Variants in PLEKHB2 observed in about 807,000 individuals in gnomAD.
PLEKHB2 encodes the protein pleckstrin homology domain containing B2, also known as pleckstrin homology domain-containing family B member 2.
A neutral mutation model predicts 36.5 loss-of-function variants in PLEKHB2; 31 were observed. The ratio of observed to expected loss-of-function variants is 0.85; its 90% CI spans 0.64 to 1.15. The LOEUF is 1.15. Among genes scored for constraint, PLEKHB2 ranks in the 50% most tolerant of loss-of-function variants. The probability of loss-of-function intolerance (pLI) is 0.00; values close to 1 mark genes in which losing one functional copy is unlikely to be tolerated. For missense variants in PLEKHB2, 262 were observed against 295.3 expected (o/e 0.89, Z 0.83); for synonymous variants, 119 against 112.0 (o/e 1.06, Z -0.39).
At chr2:131,137,997 T>C (rs889883523) in intron 6 of PLEKHB2, among the ~76,000 whole-genome samples, 2 of 151,652 alleles carry the variant, frequency 1.3e-5, no homozygotes, top group African/African-American at 4.8e-5. Context: ...GTTAGTCTCA[T>C]GTGTCCCAGA....
chr2:131,125,727 AC>A, intron 2 of PLEKHB2, 25 bp from the exon 3 acceptor site: 5 of 1,572,950 alleles, frequency 3.2e-6, no homozygotes, highest in Non-Finnish European at 1.7e-6. Context: ...AAAAAAAAAA[AC>A]AACCGTACTA....
intron 4 of PLEKHB2, chr2:131,127,146 C>G (rs1697183240): frequency 5.0e-6 from 1 of 199,716 alleles, no homozygotes; most frequent in South Asian, 8.7e-5. Context: ...TCACAAATTG[C>G]TGAACACTGA....
chr2:131,140,359 G>A, intron 7 of PLEKHB2, 84 bp downstream of exon 7: 1 of 696,428 alleles, frequency 1.4e-6, no homozygotes, highest in Non-Finnish European at 2.5e-6. Context: ...TTATTTTTCA[G>A]TTTAAGGTTA....
intron 1 of PLEKHB2, chr2:131,108,033 C>G (rs1198707053): frequency 1.3e-5 from 2 of 152,184 alleles, no homozygotes; most frequent in Admixed American, 6.5e-5. Context: ...ACAGTAACCC[C>G]ATGACGTAAT....
At chr2:131,124,473 C>G (rs1050517571) in intron 2 of PLEKHB2, among the ~76,000 whole-genome samples, 2 of 152,188 alleles carry the variant, frequency 1.3e-5, no homozygotes, top group African/African-American at 2.4e-5. Context: ...AGGGGTTTTC[C>G]CTTCATGCAG....
rs367581008 is a variant in PLEKHB2 at position 131,115,216 on chromosome 2, A to T, written c.-8-5718A>T. ...ACTTATTCACTACCATGAGAACAGT[A>T]TGGGGGAAACTGTCCCCATGATTCA... On this transcript the variant is annotated intron_variant, in intron 1 of 7. Coordinates refer to ENST00000693505, the MANE Select transcript of PLEKHB2 (RefSeq NM_001100623.2). 2.6e-5 allele frequency among the ~76,000 whole-genome samples: 4 copies of T among 152,148 alleles called. No homozygotes were observed. The East Asian group carries it at 5.8e-4, about 22-fold the overall frequency.
intron 1 of PLEKHB2, 116 bp downstream of exon 1, chr2:131,105,514 C>A: frequency 6.5e-6 from 1 of 153,576 alleles, no homozygotes; most frequent in Non-Finnish European, 1.5e-5. Flanking sequence ...GACCCCGCAC[C>A]GCGCCACCTC....
chr2:131,106,261 T>C (rs967689254), intron 1 of PLEKHB2, among the ~76,000 whole-genome samples: 1 of 152,130 alleles, frequency 6.6e-6, no homozygotes, highest in Admixed American at 6.5e-5. Context: ...AAAATAATAC[T>C]GACTCATGGT....
At chr2:131,136,368 C>T (rs1416942215) in intron 6 of PLEKHB2, among the ~76,000 whole-genome samples, 1 of 150,776 alleles carries the variant, frequency 6.6e-6, no homozygotes, top group Non-Finnish European at 1.5e-5. Flanking sequence ...ACCATGGCTG[C>T]AAAAAAATTT....
In PLEKHB2 at chr2:131,132,908, G is replaced by A. The variant is rs1287111518; in HGVS notation, c.340G>A (p.Val114Met). ...CCTCTCCTGTCTCCCGCAGGCGTAT[G>A]TGGGCTCTGCAGTCATGACCGATGA... ...LQDSRTNTAY[V>M]GSAVMTDETS... is the part of the protein sequence containing the mutation. The change falls in exon 6 of 8, where the codon GTG (valine) becomes ATG (methionine). Residue 114 changes from valine to methionine, a missense_variant. By Grantham distance (21) the Val-to-Met change is conservative. Transcript: ENST00000693505. 3 of 1,605,882 alleles carry A rather than the reference G, an allele frequency of 1.9e-6. No homozygotes were observed. The highest frequency in any genetic ancestry group is 4.5e-5 in the East Asian group (2 of 44,854).
At chr2:131,121,036 G>C in intron 2 of PLEKHB2, 58 bp downstream of exon 2, 1 of 1,552,092 alleles carries the variant, frequency 6.4e-7, no homozygotes, top group Non-Finnish European at 8.9e-7. Flanking sequence ...CTCTATTTCT[G>C]TTTGCTTAAA....
chr2:131,132,406 G>A (rs1403003750), intron 5 of PLEKHB2, among the ~76,000 whole-genome samples: 1 of 151,904 alleles, frequency 6.6e-6, no homozygotes, highest in Non-Finnish European at 1.5e-5. Flanking sequence ...TCCTGGGCTC[G>A]AGTGATCCTT....
chr2:131,111,360 C>CTTT (rs770158112), intron 1 of PLEKHB2, among the ~76,000 whole-genome samples: 2 of 111,596 alleles, frequency 1.8e-5, no homozygotes, highest in African/African-American at 3.5e-5. Flanking sequence ...ATCTCTTGGT[C>CTTT]TTTTTTTTTT....
rs879482806 is a variant in PLEKHB2 at position 131,110,114 on chromosome 2, CA to C, written c.-9+4728del. The stretch of plus-strand genomic sequence containing the variant: ...TGGGTGACAGAGTGAGACTCCGTCT[CA>C]AAAAAAAAAAATAGTATTTTATCTT... On this transcript the variant is annotated intron_variant, in intron 1 of 7. Coordinates refer to ENST00000693505, the MANE Select transcript of PLEKHB2 (RefSeq NM_001100623.2). Among the ~76,000 whole-genome samples, 476 of 133,584 alleles carry C rather than the reference CA, an allele frequency of 3.6e-3. 1 individual carries two copies. Among genetic ancestry groups the C allele is most frequent in the Middle Eastern group, 0.011 (3 of 270 alleles). The allele number at this position is 133,584 out of a possible 152,430, so 87.6% of individuals were successfully genotyped here.
rs760401921 is a variant in PLEKHB2, at chr2:131,126,694, C to T, written c.201C>T (p.Pro67=). Residue 67 remains proline, a synonymous_variant, in exon 4 of 8, where the codon CCC becomes CCT. Transcript: ENST00000693505. ...RTGQECRDTQ[P]PDGKSKDCML... ...GCTTATTTTTCATAGATACTCAGCC[C>T]CCGGATGGAAAGTCAAAAGACTGCA... is the stretch of plus-strand genomic sequence containing the variant. 1.2e-6 allele frequency: 2 copies of T among 1,600,272 alleles called. No homozygotes were observed. Among genetic ancestry groups the T allele is most frequent in the East Asian group, 4.5e-5 (2 of 44,812 alleles).
intron 3 of PLEKHB2, among the ~76,000 whole-genome samples, 172 bp downstream of exon 3, chr2:131,126,077 C>T (rs1273575825): frequency 1.3e-5 from 2 of 152,126 alleles, no homozygotes; most frequent in Admixed American, 6.5e-5. Flanking sequence ...ACCACATGGT[C>T]GGGAAATATC....
rs771180330 is a variant in PLEKHB2, at chr2:131,132,970, C to T, written c.402C>T (p.Ala134=). The T allele has an allele frequency of 1.2e-6, 2 of 1,613,778 alleles. No individual in the cohort carries two copies. Residue 134 remains alanine (A), a synonymous_variant, in exon 6 of 8, where the codon GCC becomes GCT. Transcript: ENST00000693505. Reference sequence around the variant, plus strand: ...TTTCCTCACCTCCACCATACACGGCCTATGCTGCACCGGCCCCTGAGGTAG... The same window carrying T: ...TTTCCTCACCTCCACCATACACGGCTTATGCTGCACCGGCCCCTGAGGTAG... ...SVVSSPPPYT[A]YAAPAPEQAY...
chr2:131,120,769 A>G (rs1696422468), intron 1 of PLEKHB2, 165 bp from the exon 2 acceptor site: 1 of 715,186 alleles, frequency 1.4e-6, no homozygotes, highest in Non-Finnish European at 2.5e-6. Context: ...GGGGCACATG[A>G]ACCCCAATGA....
intron 1 of PLEKHB2, among the ~76,000 whole-genome samples, chr2:131,119,507 C>T (rs1194801228): frequency 1.3e-5 from 2 of 152,148 alleles, no homozygotes; most frequent in Admixed American, 6.5e-5. Context: ...GGCATGTTGG[C>T]GCGCTTCTGC....
Sources: gnomAD v4.1 joint callset for allele counts (sites outside exome capture counted in the v4.1 genomes callset) on GRCh38, gnomAD v4.1.1 for gene constraint, MANE v1.5 for transcripts, NCBI Gene and HGNC (gene_info 2026-07-23, HGNC 2026-07-21) for gene names.